The following ADAMTS9 variants were observed in gnomAD, a reference collection of about 807,000 sequenced individuals.
The protein encoded by ADAMTS9 is A disintegrin and metalloproteinase with thrombospondin motifs 9.
A neutral mutation model predicts 257.1 loss-of-function variants in ADAMTS9; 107 were observed. That is an observed-to-expected ratio of 0.42 (90% CI 0.36 to 0.49). The LOEUF is 0.49. ADAMTS9 is among the 20% of genes least tolerant of loss of function. ADAMTS9 has a pLI of 0.03. For missense variants in ADAMTS9, 2,353 were observed against 2,469.1 expected (o/e 0.95, Z 1.00); for synonymous variants, 982 against 880.9 (o/e 1.11, Z -2.03).
chr3:64,630,735 T>C (rs1040458592), intron 16 of ADAMTS9, among the ~76,000 whole-genome samples: 95 of 152,118 alleles, frequency 6.2e-4, no homozygotes, highest in African/African-American at 2.3e-3. Flanking sequence ...CGTTTACCTA[T>C]GTAACAAACC....
chr3:64,564,828 A>G (rs927985994), intron 29 of ADAMTS9, among the ~76,000 whole-genome samples: 1 of 152,192 alleles, frequency 6.6e-6, no homozygotes, highest in African/African-American at 2.4e-5. Context: ...ATACTTCCCA[A>G]TAAACCTTTT....
rs144015447 is a variant in ADAMTS9 at position 64,522,312 on chromosome 3, G to A, written c.5719-52C>T. On this transcript the variant is annotated intron_variant, in intron 38 of 39. Transcript: ENST00000498707. ...TGCCTGCTTGGTTAATGCTTTCAGG[G>A]CCTGCACTGGCTTTTTGGGAAAACG... 1.3e-4 allele frequency: 194 copies of A among 1,529,952 alleles called. No individual in the cohort carries two copies. In the African/African-American group the frequency reaches 2.2e-3, roughly 17 times the overall value. 94.8% of individuals were successfully genotyped at this position (1,529,952 alleles called of 1,614,324 possible).
At chr3:64,638,088 A>T (rs1414370586) in intron 12 of ADAMTS9, among the ~76,000 whole-genome samples, 2 of 152,160 alleles carry the variant, frequency 1.3e-5, no homozygotes, top group African/African-American at 2.4e-5. Flanking sequence ...CCTAAGGGGG[A>T]AATATCTAGT....
At chr3:64,634,034 C>T (rs1700435490) in intron 12 of ADAMTS9, among the ~76,000 whole-genome samples, 155 bp from the exon 13 acceptor site, 1 of 151,968 alleles carries the variant, frequency 6.6e-6, no homozygotes, top group African/African-American at 2.4e-5. Flanking sequence ...CCTGGTTTTG[C>T]ATCCTGCCTT....
At position 64,631,899 on chromosome 3, in the gene ADAMTS9, G is replaced by A. The variant is rs781337225; in HGVS notation, c.2202C>T (p.Asn734=). ...CRQAGCDHVL[N]SKARRDKCGV... ...CACATTTATCTCTCCGGGCTTTTGA[G>A]TTTAAAACATGATCGCATCCAGCTT... Residue 734 remains asparagine (N), a synonymous_variant, in exon 15 of 40, where the codon AAC becomes AAT. Transcript: ENST00000498707. 1.8e-5 allele frequency: 29 copies of A among 1,613,714 alleles called. 1 individual carries two copies. The South Asian group carries it at 3.2e-4, about 18-fold the overall frequency.
chr3:64,530,416 G>T (rs151236937), intron 38 of ADAMTS9, among the ~76,000 whole-genome samples: 2,034 of 151,870 alleles, frequency 0.013, 132 homozygotes, highest in Admixed American at 0.12. Flanking sequence ...ACAGCCGGGG[G>T]CTAGAGAGGG....
intron 19 of ADAMTS9, among the ~76,000 whole-genome samples, chr3:64,617,607 G>T (rs770672390): frequency 1.3e-5 from 2 of 152,038 alleles, no homozygotes; most frequent in Non-Finnish European, 2.9e-5. Context: ...ATTCCAAAGT[G>T]TTGTTACTAA....
At chr3:64,669,737 A>G (rs956869516) in intron 3 of ADAMTS9, among the ~76,000 whole-genome samples, 4 of 152,156 alleles carry the variant, frequency 2.6e-5, no homozygotes, top group African/African-American at 9.7e-5. Context: ...AATAACTCCA[A>G]AAGAGAGAGA....
In ADAMTS9 at chr3:64,681,263, A is replaced by G. The variant is rs1559825748; in HGVS notation, c.617T>C (p.Ile206Thr). ...DEEEQNKPHI[I>T]YRRSAPQREP... The stretch of plus-strand genomic sequence containing the variant: ...TCTCTGGGGGGCGCTGCGCCTATAA[A>G]TGATGTGGGGTTTGTTTTGTTCCTC... The change falls in exon 3 of 40, where the codon ATT (isoleucine) becomes ACT (threonine). Residue 206 changes from isoleucine (I) to threonine (T), a missense_variant. Physicochemically the swap from Ile to Thr is moderately conservative, Grantham distance 89 (BLOSUM62 -1). Coordinates refer to ENST00000498707, the MANE Select transcript of ADAMTS9 (RefSeq NM_182920.2). The G allele has an allele frequency of 1.2e-6, 2 of 1,614,040 alleles. No homozygotes were observed. Among genetic ancestry groups the G allele is most frequent in the Non-Finnish European group, 1.7e-6 (2 of 1,179,950 alleles).
At chr3:64,656,366 G>A (rs888114428) in intron 4 of ADAMTS9, among the ~76,000 whole-genome samples, 1 of 152,148 alleles carries the variant, frequency 6.6e-6, no homozygotes, top group Non-Finnish European at 1.5e-5. Flanking sequence ...CTTATTGTGA[G>A]CTGGCTGAAA....
Position 64,546,878 on chromosome 3 carries a change from A to C in ADAMTS9, c.4944T>G (p.Asn1648Lys). ...SCSEIYTGKE[N>K]YEYSYQTTIN... ...TGGTGGTTTGGTAGCTGTATTCATA[A>C]TTCTCCTTCCCGGTGTAAATCTCGC... The change falls in exon 32 of 40, where the codon AAT (asparagine) becomes AAG (lysine). Residue 1648 changes from asparagine (N) to lysine (K), a missense_variant. Around this residue, in one of 3 missense-constraint regions of ADAMTS9, gnomAD observed 1,402 missense variants for 1,441.4 expected, o/e 0.97. Coordinates refer to ENST00000498707, the MANE Select transcript of ADAMTS9 (RefSeq NM_182920.2). 6 of 1,614,076 alleles carry C rather than the reference A, an allele frequency of 3.7e-6. No individual in the cohort carries two copies. The highest frequency in any genetic ancestry group is 5.1e-6 in the Non-Finnish European group (6 of 1,179,986).
chr3:64,518,048 G>A (rs188928763), intron 39 of ADAMTS9, among the ~76,000 whole-genome samples: 10 of 152,320 alleles, frequency 6.6e-5, no homozygotes, highest in South Asian at 4.1e-4. Context: ...CATGCTAGGA[G>A]ATGAGTGTTT....
chr3:64,604,394 G>T, intron 23 of ADAMTS9, 63 bp from the exon 24 acceptor site: 1 of 1,171,092 alleles, frequency 8.5e-7, no homozygotes, highest in Non-Finnish European at 1.2e-6. Context: ...TCAAGGTAAT[G>T]GTCATGGTGG....
chr3:64,633,888 G>A lies in ADAMTS9; in HGVS notation c.1857-9C>T, dbSNP rs367654412. ...TTCCACCATTTTTTGGTCTGAAAAA[G>A]AAAAAATGTGAAGAGCACACACACT... On this transcript the variant is annotated splice_polypyrimidine_tract_variant and intron_variant, in intron 12 of 39. Transcript: ENST00000498707. 7 of 1,602,908 alleles carry A rather than the reference G, an allele frequency of 4.4e-6. No homozygotes were observed. The highest frequency in any genetic ancestry group is 1.8e-4 in the Middle Eastern group (1 of 5,608).
In ADAMTS9 at chr3:64,686,830, G is replaced by A; in HGVS notation, c.254C>T (p.Ala85Val). 2 of 1,614,158 alleles carry A rather than the reference G, an allele frequency of 1.2e-6. No individual in the cohort carries two copies. The highest frequency in any genetic ancestry group is 1.7e-6 in the Non-Finnish European group (2 of 1,180,016). ...AGAGGAGGAAGAGGAGGAGGCGAAG[G>A]CAGGCCAGGGGTCAGTGGCAGAGTT... ...SINSATDPWPAFASSSSSSTS... is the reference protein window; with the variant it reads ...SINSATDPWPVFASSSSSSTS... The change falls in exon 2 of 40, where the codon GCC becomes GTC. Residue 85 changes from alanine to valine, a missense_variant. Ala to Val is a moderately conservative substitution (Grantham distance 64, BLOSUM62 0). Around this residue, in one of 3 missense-constraint regions of ADAMTS9, gnomAD observed 591 missense variants for 569.6 expected, o/e 1.04. Coordinates refer to ENST00000498707, the MANE Select transcript of ADAMTS9 (RefSeq NM_182920.2). The surrounding 1 kb of genome is among the most constrained non-coding windows in gnomAD (Gnocchi z 4.6).
intron 9 of ADAMTS9, 95 bp from the exon 10 acceptor site, chr3:64,649,873 T>A: frequency 7.2e-7 from 1 of 1,393,708 alleles, no homozygotes; most frequent in Non-Finnish European, 9.7e-7. Flanking sequence ...ATTGTAATGG[T>A]AGAGAGGACA....
intron 11 of ADAMTS9, among the ~76,000 whole-genome samples, chr3:64,643,525 T>TC (rs1400842406): frequency 1.8e-4 from 25 of 141,416 alleles, no homozygotes; most frequent in Non-Finnish European, 3.2e-4. Context: ...CAATCATGGC[T>TC]CACTGCAGCC....
chr3:64,673,713 C>T (rs942004657), intron 3 of ADAMTS9, among the ~76,000 whole-genome samples: 9 of 151,956 alleles, frequency 5.9e-5, no homozygotes, highest in East Asian at 1.9e-4. Context: ...CTTAATATTA[C>T]GTATCAAATA....
Position 64,604,037 on chromosome 3 carries a change from T to C in ADAMTS9, c.3632A>G (p.Asp1211Gly). Reference sequence around the variant, plus strand: ...CTCGTCAGCCACAGAGCCATTCTCATCTCGGCAGCTGACGTATCTCATCCG... The same window carrying C: ...CTCGTCAGCCACAGAGCCATTCTCACCTCGGCAGCTGACGTATCTCATCCG... ...GTRMRYVSCR[D>G]ENGSVADESA... is the part of the protein sequence containing the mutation. Residue 1211 changes from aspartate (D) to glycine (G), a missense_variant, in exon 25 of 40, where the codon GAT (aspartate) becomes GGT (glycine). Asp to Gly is a moderately conservative substitution (Grantham distance 94). Around this residue, in one of 3 missense-constraint regions of ADAMTS9, gnomAD observed 1,402 missense variants for 1,441.4 expected, o/e 0.97. Coordinates refer to ENST00000498707, the MANE Select transcript of ADAMTS9 (RefSeq NM_182920.2). 6.2e-7 allele frequency: 1 copy of C among 1,614,072 alleles called. No individual in the cohort carries two copies. The highest frequency in any genetic ancestry group is 2.2e-5 in the East Asian group (1 of 44,824).
Sources: allele counts gnomAD v4.1 joint callset (sites outside exome capture counted in the v4.1 genomes callset), GRCh38; gene constraint gnomAD v4.1.1; regional missense constraint gnomAD v4.1.1; non-coding constraint Gnocchi (gnomAD v3.1); transcripts MANE v1.5; gene names NCBI Gene and HGNC (gene_info 2026-07-23, HGNC 2026-07-21).